Variants in DACH1 observed in about 807,000 individuals in gnomAD.
DACH1 encodes dachshund family transcription factor 1.
Under a neutral mutation model 54.2 loss-of-function variants are expected in DACH1, and 12 were observed. The ratio of observed to expected loss-of-function variants is 0.22; its 90% CI spans 0.14 to 0.36. The LOEUF (loss-of-function observed/expected upper bound fraction) is 0.36. DACH1 is among the 10% of genes least tolerant of loss of function. The probability of loss-of-function intolerance (pLI) is 1.00; values close to 1 mark genes in which losing one functional copy is unlikely to be tolerated. For synonymous variants in DACH1, 386 were observed against 366.2 expected, an observed-to-expected ratio of 1.05 and a Z score of -0.62; for missense variants, 805 against 929.8, an observed-to-expected ratio of 0.87 and a Z score of 1.75.
At chr13:71,788,177 C>T (rs1886684942) in intron 1 of DACH1, among the ~76,000 whole-genome samples, 1 of 152,074 alleles carries the variant, frequency 6.6e-6, no homozygotes, top group African/African-American at 2.4e-5. Flanking sequence ...ATCAAATAGG[C>T]AATGTGGAAG....
chr13:71,543,139 T>C (rs1883242695), intron 6 of DACH1, among the ~76,000 whole-genome samples: 1 of 152,124 alleles, frequency 6.6e-6, no homozygotes, highest in Non-Finnish European at 1.5e-5. Context: ...AAGGTCTGTG[T>C]TTATGGTATG....
intron 2 of DACH1, among the ~76,000 whole-genome samples, chr13:71,673,893 CA>C (rs1555309105): frequency 1.3e-5 from 2 of 152,094 alleles, no homozygotes; most frequent in Non-Finnish European, 2.9e-5. Context: ...AACCTATAAA[CA>C]AACAAATAAT....
intron 7 of DACH1, among the ~76,000 whole-genome samples, chr13:71,480,034 T>G (rs1250483421): frequency 1.3e-5 from 2 of 152,322 alleles, no homozygotes; most frequent in Non-Finnish European, 2.9e-5. Context: ...TGACATATAT[T>G]TATTTGTTTA....
intron 1 of DACH1, among the ~76,000 whole-genome samples, chr13:71,746,467 A>G (rs1336031249): frequency 6.6e-6 from 1 of 152,134 alleles, no homozygotes; most frequent in Non-Finnish European, 1.5e-5. Context: ...ATGTGGCACT[A>G]AAAAAGGCAT....
chr13:71,817,872 T>A (rs1340225458), intron 1 of DACH1, among the ~76,000 whole-genome samples: 1 of 144,374 alleles, frequency 6.9e-6, no homozygotes, highest in Non-Finnish European at 1.5e-5. Context: ...TGGAGTGCAC[T>A]GGCATGATCT....
At chr13:71,593,211 C>T (rs998094324) in intron 3 of DACH1, among the ~76,000 whole-genome samples, 1 of 151,996 alleles carries the variant, frequency 6.6e-6, no homozygotes, top group Non-Finnish European at 1.5e-5. Context: ...ATCCTTTTAT[C>T]GAAGATGGTA....
intron 1 of DACH1, among the ~76,000 whole-genome samples, chr13:71,821,504 C>G (rs962764185): frequency 6.6e-6 from 1 of 151,644 alleles, no homozygotes; most frequent in African/African-American, 2.4e-5. Flanking sequence ...AAATTTTCCC[C>G]TTAATGTAGG....
At chr13:71,769,216 T>G (rs1885756130) in intron 1 of DACH1, among the ~76,000 whole-genome samples, 1 of 151,778 alleles carries the variant, frequency 6.6e-6, no homozygotes. Context: ...TACCACATAC[T>G]CTTCATATTT....
intron 1 of DACH1, among the ~76,000 whole-genome samples, chr13:71,756,020 T>G (rs1885132499): frequency 6.6e-6 from 1 of 151,976 alleles, no homozygotes; most frequent in South Asian, 2.1e-4. Flanking sequence ...ATGCGTAAAC[T>G]AAAGACTTTT....
chr13:71,553,959 G>A (rs1593883987), intron 6 of DACH1, among the ~76,000 whole-genome samples: 2 of 151,902 alleles, frequency 1.3e-5, no homozygotes, highest in South Asian at 4.1e-4. Context: ...AGAATTAATT[G>A]TCCTTTGAAT....
chr13:71,654,668 T>G (rs1037892301), intron 2 of DACH1, among the ~76,000 whole-genome samples: 1 of 152,048 alleles, frequency 6.6e-6, no homozygotes, highest in African/African-American at 2.4e-5. Flanking sequence ...GGAAATGTGT[T>G]GGCACTTGAG....
intron 1 of DACH1, among the ~76,000 whole-genome samples, chr13:71,728,061 T>C (rs1483976718): frequency 1.3e-5 from 2 of 152,048 alleles, no homozygotes; most frequent in African/African-American, 2.4e-5. Context: ...TTAAAATATA[T>C]GAATGTATCA....
chr13:71,577,835 A>G (rs1885626296), intron 3 of DACH1, among the ~76,000 whole-genome samples: 1 of 152,192 alleles, frequency 6.6e-6, no homozygotes, highest in African/African-American at 2.4e-5. Context: ...TAGTTTCTCT[A>G]CTAAAAACAC....
chr13:71,864,285 T>C (rs1874567741), intron 1 of DACH1, among the ~76,000 whole-genome samples: 2 of 151,792 alleles, frequency 1.3e-5, no homozygotes, highest in African/African-American at 4.8e-5. Flanking sequence ...GAAGAATACC[T>C]AAACACGGAA....
intron 10 of DACH1, among the ~76,000 whole-genome samples, chr13:71,452,419 C>T (rs1462911987): frequency 6.6e-6 from 1 of 152,070 alleles, no homozygotes; most frequent in Non-Finnish European, 1.5e-5. Context: ...TGAGCCATTG[C>T]ACCTAGCTTA....
intron 7 of DACH1, among the ~76,000 whole-genome samples, chr13:71,482,738 A>G (rs1158081309): frequency 7.3e-5 from 11 of 151,526 alleles, no homozygotes; most frequent in Non-Finnish European, 1.3e-4. Context: ...TGGAATCAGG[A>G]ACTTTTGTAG....
chr13:71,666,020 A>G (rs1879810989), intron 2 of DACH1, among the ~76,000 whole-genome samples: 1 of 152,134 alleles, frequency 6.6e-6, no homozygotes, highest in African/African-American at 2.4e-5. Context: ...GTTAGTTATG[A>G]ATTGTTTGCA....
At chr13:71,559,631 C>T (rs1181707763) in intron 5 of DACH1, among the ~76,000 whole-genome samples, 189 bp downstream of exon 5, 1 of 152,086 alleles carries the variant, frequency 6.6e-6, no homozygotes, top group African/African-American at 2.4e-5. Context: ...ATATCAGGAC[C>T]TGTTAATGTA....
At chr13:71,587,988 T>C (rs913748455) in intron 3 of DACH1, among the ~76,000 whole-genome samples, 2 of 152,094 alleles carry the variant, frequency 1.3e-5, no homozygotes, top group Admixed American at 6.6e-5. Flanking sequence ...TCTTCAAAGC[T>C]TTCTGTGAAA....
Sources: gnomAD v4.1 joint callset for allele counts (sites outside exome capture counted in the v4.1 genomes callset) on GRCh38, gnomAD v4.1.1 for gene constraint, MANE v1.5 for transcripts, NCBI Gene and HGNC (gene_info 2026-07-23, HGNC 2026-07-21) for gene names.